The following BMPR1B variants were observed in gnomAD, a reference collection of about 807,000 sequenced individuals.
The protein encoded by BMPR1B is bone morphogenetic protein receptor type-1B.
In BMPR1B, 12 loss-of-function variants were observed where a neutral mutation model predicts 59.1. That is an observed-to-expected ratio of 0.20 (90% CI 0.13 to 0.33). The LOEUF is 0.33. BMPR1B is among the 10% of genes least tolerant of loss of function. BMPR1B has a pLI of 1.00. For synonymous variants in BMPR1B, 237 were observed against 207.3 expected (o/e 1.14, Z -1.23); for missense variants, 550 against 610.9 (o/e 0.90, Z 1.05).
intron 1 of BMPR1B, among the ~76,000 whole-genome samples, chr4:94,847,481 C>T (rs1725381234): frequency 1.3e-5 from 2 of 152,264 alleles, no homozygotes; most frequent in South Asian, 2.1e-4. Context: ...TAGATATTTG[C>T]ACTCCCATGT....
chr4:95,086,180 A>C (rs1212655633), intron 3 of BMPR1B, among the ~76,000 whole-genome samples: 1 of 152,168 alleles, frequency 6.6e-6, no homozygotes, highest in Non-Finnish European at 1.5e-5. Flanking sequence ...TCTAATCTTG[A>C]TTGGCATCAT....
At chr4:94,822,054 T>C (rs1724227826) in intron 1 of BMPR1B, among the ~76,000 whole-genome samples, 1 of 152,262 alleles carries the variant, frequency 6.6e-6, no homozygotes, top group African/African-American at 2.4e-5. Context: ...AAGATACTTA[T>C]TTCTCACAGT....
intron 3 of BMPR1B, among the ~76,000 whole-genome samples, chr4:95,078,351 AACTT>A (rs893848471): frequency 3.9e-5 from 6 of 152,182 alleles, no homozygotes; most frequent in East Asian, 1.9e-4. Flanking sequence ...GTTGCAGTGA[AACTT>A]ACTTTCTTTT....
intron 10 of BMPR1B, among the ~76,000 whole-genome samples, chr4:95,140,325 T>A (rs1286160434): frequency 6.6e-6 from 1 of 152,174 alleles, no homozygotes; most frequent in East Asian, 1.9e-4. Context: ...AAGAACTTTT[T>A]TCCTAACACC....
intron 1 of BMPR1B, among the ~76,000 whole-genome samples, chr4:94,796,713 G>T (rs751554611): frequency 4.6e-5 from 7 of 152,100 alleles, no homozygotes; most frequent in Non-Finnish European, 1.0e-4. Flanking sequence ...TGTTGCCTAT[G>T]TGTCTTTGCT....
At chr4:95,045,641 A>T (rs966421314) in intron 3 of BMPR1B, among the ~76,000 whole-genome samples, 4 of 152,130 alleles carry the variant, frequency 2.6e-5, no homozygotes, top group African/African-American at 9.7e-5. Context: ...TCCCCCACGC[A>T]AGTCCAACCC....
chr4:95,111,426 AAC>A (rs926298412), intron 4 of BMPR1B, among the ~76,000 whole-genome samples: 4 of 152,086 alleles, frequency 2.6e-5, no homozygotes, highest in African/African-American at 9.7e-5. Context: ...AAACCTTGTA[AAC>A]ACTATATTCA....
intron 2 of BMPR1B, among the ~76,000 whole-genome samples, chr4:94,921,193 G>GAT (rs1229294776): frequency 6.6e-6 from 1 of 152,002 alleles, no homozygotes; most frequent in Non-Finnish European, 1.5e-5. Flanking sequence ...ATTGAAACAG[G>GAT]ATATTTTTGA....
intron 3 of BMPR1B, among the ~76,000 whole-genome samples, chr4:95,047,661 G>A (rs980699457): frequency 1.3e-5 from 2 of 152,028 alleles, no homozygotes; most frequent in African/African-American, 4.8e-5. Context: ...TCAAGGGTGG[G>A]GTTGATTAAG....
At chr4:94,955,539 T>G (rs962662013) in intron 2 of BMPR1B, among the ~76,000 whole-genome samples, 1 of 152,268 alleles carries the variant, frequency 6.6e-6, no homozygotes, top group South Asian at 2.1e-4. Flanking sequence ...TTAATACTAA[T>G]AGTCAATACT....
At chr4:95,026,156 T>TTCTTTCTC (rs1724397804) in intron 3 of BMPR1B, among the ~76,000 whole-genome samples, 2 of 151,148 alleles carry the variant, frequency 1.3e-5, no homozygotes, top group African/African-American at 4.9e-5. Context: ...CTTTCTTTCT[T>TTCTTTCTC]TCTTTCTCTT....
chr4:94,913,684 G>T (rs186894133), intron 2 of BMPR1B, among the ~76,000 whole-genome samples: 107 of 151,766 alleles, frequency 7.1e-4, no homozygotes, highest in African/African-American at 2.4e-3. Context: ...AATGTTTCAG[G>T]CTCTGTGATA....
intron 3 of BMPR1B, among the ~76,000 whole-genome samples, chr4:95,047,501 C>T (rs113377477): frequency 8.6e-5 from 13 of 152,034 alleles, no homozygotes; most frequent in Non-Finnish European, 1.9e-4. Context: ...CTCATCATAT[C>T]AGGGGTACCT....
rs186160359 is a variant in BMPR1B at position 94,872,824 on chromosome 4, G to T, written c.-182-3007G>T. 7.9e-5 allele frequency among the ~76,000 whole-genome samples: 12 copies of T among 152,350 alleles called. No homozygotes were observed. In the East Asian group the frequency reaches 1.7e-3, roughly 22 times the overall value. On this transcript the variant is annotated intron_variant, in intron 1 of 12. Coordinates refer to ENST00000515059, the MANE Select transcript of BMPR1B (RefSeq NM_001203.3). ...ATTACTTACATAATGCTTTCTGTGA[G>T]TATAAAACTGAACTTTAGATGTGAA...
intron 1 of BMPR1B, among the ~76,000 whole-genome samples, chr4:94,812,684 G>T (rs1349914651): frequency 6.6e-6 from 1 of 152,164 alleles, no homozygotes; most frequent in African/African-American, 2.4e-5. Flanking sequence ...GAGAGAGGGT[G>T]AGGGCAGTCC....
At chr4:95,064,113 T>C (rs1281133668) in intron 3 of BMPR1B, among the ~76,000 whole-genome samples, 1 of 152,100 alleles carries the variant, frequency 6.6e-6, no homozygotes, top group African/African-American at 2.4e-5. Flanking sequence ...TATATGGAAA[T>C]ATTCATAAGA....
intron 1 of BMPR1B, among the ~76,000 whole-genome samples, chr4:94,794,380 C>G (rs1032392482): frequency 6.6e-6 from 1 of 151,292 alleles, no homozygotes; most frequent in Non-Finnish European, 1.5e-5. Context: ...TGATCTATAT[C>G]TCTGTTTTGG....
chr4:94,798,325 G>A (rs980526161), intron 1 of BMPR1B, among the ~76,000 whole-genome samples: 1 of 151,984 alleles, frequency 6.6e-6, no homozygotes, highest in Non-Finnish European at 1.5e-5. Context: ...GCTGACTGTT[G>A]CAATTTGTAT....
intron 2 of BMPR1B, among the ~76,000 whole-genome samples, chr4:94,907,188 A>C (rs1477025800): frequency 1.3e-5 from 2 of 152,092 alleles, no homozygotes; most frequent in African/African-American, 4.8e-5. Context: ...TGCATCGTGG[A>C]AAAGCTTCTC....
Sources: gnomAD v4.1 joint callset for allele counts (sites outside exome capture counted in the v4.1 genomes callset) on GRCh38, gnomAD v4.1.1 for gene constraint, MANE v1.5 for transcripts, NCBI Gene and HGNC (gene_info 2026-07-23, HGNC 2026-07-21) for gene names.